The following RGS7 variants were observed in gnomAD, a reference collection of about 807,000 sequenced individuals.
RGS7 encodes the protein regulator of G-protein signaling 7.
RGS7 carries 27 observed loss-of-function variants against 81.1 expected under a neutral mutation model. The observed-to-expected ratio is 0.33, with a 90% CI of 0.25 to 0.46. The LOEUF (loss-of-function observed/expected upper bound fraction) is 0.46, where lower values mean the gene tolerates loss of function less well. Ranked by LOEUF, RGS7 falls within the 20% of genes least tolerant of loss-of-function variation. The probability of loss-of-function intolerance (pLI) is 1.00; values close to 1 mark genes in which losing one functional copy is unlikely to be tolerated. For missense variants in RGS7, 396 were observed against 607.4 expected (o/e 0.65, Z 3.66); for synonymous variants, 208 against 207.7 (o/e 1.00, Z -0.01).
rs372508735 is a variant in RGS7 at position 241,003,416 on chromosome 1, G to A, written c.176-20287C>T. Among the ~76,000 whole-genome samples, 587 of 145,980 alleles carry A rather than the reference G, an allele frequency of 4.0e-3. 3 individuals are homozygous for A. The highest frequency in any genetic ancestry group is 0.014 in the African/African-American group (532 of 39,222). On this transcript the variant is annotated intron_variant, in intron 3 of 18. Coordinates refer to ENST00000440928, the MANE Select transcript of RGS7 (RefSeq NM_001364886.1). ...GCAGAGCTTGCAGTGAACCGAGATC[G>A]CGCCACTGCACTCCAGCCTGGGTGA... is the stretch of plus-strand genomic sequence containing the variant.
chr1:240,997,308 C>A (rs1687442528), intron 3 of RGS7, among the ~76,000 whole-genome samples: 1 of 152,076 alleles, frequency 6.6e-6, no homozygotes, highest in African/African-American at 2.4e-5. Flanking sequence ...CATTATTGTG[C>A]AGCTCTTTTT....
chr1:241,356,022 C>T (rs1273065410), intron 1 of RGS7, among the ~76,000 whole-genome samples, 196 bp from the exon 2 acceptor site: 1 of 152,204 alleles, frequency 6.6e-6, no homozygotes, highest in Non-Finnish European at 1.5e-5. Flanking sequence ...AAATTACAAT[C>T]TTCCAGGTAG....
chr1:240,800,799 C>CA (rs1558271102), intron 17 of RGS7, 78 bp from the exon 18 acceptor site: 56 of 725,624 alleles, frequency 7.7e-5, no homozygotes, highest in South Asian at 1.5e-4. Context: ...TGGCACAATA[C>CA]AAAAAAAAGA....
intron 6 of RGS7, among the ~76,000 whole-genome samples, chr1:240,885,964 C>A (rs2927549): frequency 0.47 from 70,970 of 151,964 alleles, 16,811 homozygotes; most frequent in East Asian, 0.53. Context: ...ATATTCTATA[C>A]CTCCTAACTT....
intron 2 of RGS7, among the ~76,000 whole-genome samples, chr1:241,193,666 T>G (rs2072859463): frequency 6.6e-6 from 1 of 152,192 alleles, no homozygotes; most frequent in South Asian, 2.1e-4. Context: ...TTGAGAAGAT[T>G]GAGTTTCATA....
At chr1:240,826,719 C>A (rs1692898967) in intron 10 of RGS7, among the ~76,000 whole-genome samples, 1 of 152,118 alleles carries the variant, frequency 6.6e-6, no homozygotes, top group Admixed American at 6.5e-5. Flanking sequence ...GAAATACAAC[C>A]ACTGTCTTAT....
intron 5 of RGS7, among the ~76,000 whole-genome samples, chr1:240,934,432 G>A (rs2148365806): frequency 6.6e-6 from 1 of 152,288 alleles, no homozygotes. Flanking sequence ...AAACAGAAGT[G>A]AAGACCTTGA....
chr1:241,249,678 A>G (rs2076734875), intron 2 of RGS7, among the ~76,000 whole-genome samples: 1 of 152,124 alleles, frequency 6.6e-6, no homozygotes. Context: ...TACTAATCAT[A>G]TCACCTCTTC....
At chr1:241,026,543 C>T (rs1024634787) in intron 3 of RGS7, among the ~76,000 whole-genome samples, 3 of 151,630 alleles carry the variant, frequency 2.0e-5, no homozygotes, top group Non-Finnish European at 2.9e-5. Flanking sequence ...GAGCCGAGAT[C>T]GCGCCACTGC....
chr1:241,215,301 T>C (rs941097968), intron 2 of RGS7, among the ~76,000 whole-genome samples: 2 of 152,226 alleles, frequency 1.3e-5, no homozygotes, highest in Non-Finnish European at 2.9e-5. Context: ...GTGGCCCTTA[T>C]AGGTTTTCAG....
intron 6 of RGS7, among the ~76,000 whole-genome samples, chr1:240,901,746 AG>A (rs1363420315): frequency 1.3e-5 from 2 of 152,184 alleles, no homozygotes; most frequent in African/African-American, 2.4e-5. Flanking sequence ...ATGGTCTCCA[AG>A]TCATGTTCAC....
At chr1:240,898,094 T>C (rs1465684310) in intron 6 of RGS7, among the ~76,000 whole-genome samples, 1 of 152,204 alleles carries the variant, frequency 6.6e-6, no homozygotes, top group Non-Finnish European at 1.5e-5. Context: ...TATTCTCTGA[T>C]GGTAGTTTGT....
At chr1:241,041,004 G>A (rs1212667111) in intron 3 of RGS7, among the ~76,000 whole-genome samples, 1 of 152,084 alleles carries the variant, frequency 6.6e-6, no homozygotes, top group African/African-American at 2.4e-5. Context: ...TAAATATGTA[G>A]TTCAGAAGCA....
chr1:241,337,668 AGC>A (rs1487715017), intron 2 of RGS7, among the ~76,000 whole-genome samples: 11 of 152,300 alleles, frequency 7.2e-5, no homozygotes, highest in African/African-American at 2.6e-4. Flanking sequence ...AAAACACACA[AGC>A]AAACACTCAA....
chr1:241,024,793 G>A (rs472519), intron 3 of RGS7, among the ~76,000 whole-genome samples: 67,249 of 151,902 alleles, frequency 0.44, 15,284 homozygotes, highest in Middle Eastern at 0.54. Context: ...AATATTAACT[G>A]GGGATAATTC....
In RGS7 at chr1:241,109,966, T is replaced by A. The variant is rs184602776; in HGVS notation, c.79-11204A>T. On this transcript the variant is annotated intron_variant, in intron 2 of 18. Transcript: ENST00000440928. ...AGAGCTAAACTCCATCTCAAAAAAA[T>A]AATAATAATAATAATTAAGAATTCC... Among the ~76,000 whole-genome samples, 737 of 151,978 alleles carry A rather than the reference T, an allele frequency of 4.8e-3. 4 individuals carry two copies. The highest frequency in any genetic ancestry group is 0.016 in the African/African-American group (684 of 41,466).
At chr1:241,103,216 T>C (rs1354563094) in intron 2 of RGS7, among the ~76,000 whole-genome samples, 3 of 152,282 alleles carry the variant, frequency 2.0e-5, no homozygotes, top group Non-Finnish European at 2.9e-5. Context: ...TATATATGCA[T>C]GTATACATGT....
Position 240,890,839 on chromosome 1 carries a change from T to C in RGS7, c.386-20720A>G, listed in dbSNP as rs145315006. ...TTGTCTGGGAAGAGCCATTCTAATT[T>C]GGAGAAATATTTAGTACAATCTCTG... On this transcript the variant is annotated intron_variant, in intron 6 of 18. Transcript: ENST00000440928. 8.1e-4 allele frequency among the ~76,000 whole-genome samples: 124 copies of C among 152,332 alleles called. 1 individual carries two copies. The highest frequency in any genetic ancestry group is 2.8e-3 in the African/African-American group (117 of 41,574).
chr1:241,165,029 C>T (rs2070073866), intron 2 of RGS7, among the ~76,000 whole-genome samples: 1 of 152,172 alleles, frequency 6.6e-6, no homozygotes, highest in African/African-American at 2.4e-5. Context: ...CACTCCTTCC[C>T]TATGTGCGTT....
Sources: gnomAD v4.1 joint callset for allele counts (sites outside exome capture counted in the v4.1 genomes callset) on GRCh38, gnomAD v4.1.1 for gene constraint, MANE v1.5 for transcripts, NCBI Gene and HGNC (gene_info 2026-07-23, HGNC 2026-07-21) for gene names.